The following PCCA variants were observed in gnomAD, a reference collection of about 807,000 sequenced individuals.
The protein encoded by PCCA is propionyl-CoA carboxylase alpha chain, mitochondrial.
A neutral mutation model predicts 101.3 loss-of-function variants in PCCA; 74 were observed. The observed-to-expected ratio is 0.73, with a 90% confidence interval of 0.61 to 0.89. The LOEUF is 0.89. Among genes scored for constraint, PCCA ranks in the 40% least tolerant of loss-of-function variants. The pLI is 0.00. For synonymous variants in PCCA, 294 were observed against 313.6 expected (o/e 0.94, Z 0.66); for missense variants, 891 against 907.0 (o/e 0.98, Z 0.23).
chr13:100,341,412 C>G (rs945412769), intron 18 of PCCA, among the ~76,000 whole-genome samples: 1 of 152,160 alleles, frequency 6.6e-6, no homozygotes, highest in Non-Finnish European at 1.5e-5. Context: ...TTGTTTCCCC[C>G]CCACATAGTT....
At chr13:100,136,695 A>C (rs1013400131) in intron 4 of PCCA, among the ~76,000 whole-genome samples, 5 of 152,152 alleles carry the variant, frequency 3.3e-5, no homozygotes, top group African/African-American at 1.2e-4. Flanking sequence ...TGCACATAGA[A>C]TTATTCTTAG....
At chr13:100,484,820 T>G (rs1267527464) in intron 21 of PCCA, among the ~76,000 whole-genome samples, 1 of 152,164 alleles carries the variant, frequency 6.6e-6, no homozygotes, top group East Asian at 1.9e-4. Context: ...CATTTTGAAT[T>G]AGCTGCCCAG....
rs139736356 is a variant in PCCA at position 100,230,240 on chromosome 13, A to G, written c.601-5602A>G. ...CTAGCCAGGTGTGGGAGGACTGGAA[A>G]GGCACTCTAAAGAAAGTGGCAGGCT... On this transcript the variant is annotated intron_variant, in intron 7 of 23. Coordinates refer to ENST00000376285, the MANE Select transcript of PCCA (RefSeq NM_000282.4). 1.7e-3 allele frequency among the ~76,000 whole-genome samples: 253 copies of G among 152,156 alleles called. 1 individual carries two copies. The highest frequency in any genetic ancestry group is 5.9e-3 in the African/African-American group (245 of 41,496).
At chr13:100,410,323 A>G (rs1465446006) in intron 19 of PCCA, among the ~76,000 whole-genome samples, 2 of 151,874 alleles carry the variant, frequency 1.3e-5, no homozygotes, top group Non-Finnish European at 2.9e-5. Context: ...GCTCACTGCA[A>G]CCTCCACCTC....
In PCCA at chr13:100,089,158, C is replaced by T; in HGVS notation, c.38C>T (p.Ala13Val). ...GFWVGTAPLV[A>V]AGRRGRWPPQ... ...TGGGTCGGGACAGCACCGCTGGTCG[C>T]TGCCGGACGGCGTGGGCGGTGGCCG... is the stretch of plus-strand genomic sequence containing the variant. The change falls in exon 1 of 24, where the codon GCT (alanine) becomes GTT (valine). Residue 13 changes from alanine to valine, a missense_variant. Ala to Val is a moderately conservative substitution (Grantham distance 64). Transcript: ENST00000376285. 1 of 1,527,366 alleles carries T rather than the reference C, an allele frequency of 6.5e-7. No individual in the cohort carries two copies. The highest frequency in any genetic ancestry group is 8.8e-7 in the Non-Finnish European group (1 of 1,138,852). 94.6% of individuals were successfully genotyped at this position (1,527,366 alleles called of 1,614,324 possible).
intron 1 of PCCA, among the ~76,000 whole-genome samples, chr13:100,097,053 A>G (rs1329725936): frequency 6.6e-6 from 1 of 152,212 alleles, no homozygotes; most frequent in Non-Finnish European, 1.5e-5. Context: ...AACTGTTTTG[A>G]ACAATAATTA....
At chr13:100,191,317 G>A (rs1037104545) in intron 6 of PCCA, among the ~76,000 whole-genome samples, 17 of 152,304 alleles carry the variant, frequency 1.1e-4, no homozygotes, top group African/African-American at 4.1e-4. Context: ...TCTCAGGAAT[G>A]AGGCCCATGG....
chr13:100,164,798 A>G (rs181562340), intron 6 of PCCA, among the ~76,000 whole-genome samples: 24 of 152,278 alleles, frequency 1.6e-4, no homozygotes, highest in Admixed American at 1.2e-3. Flanking sequence ...CCAGAACTTT[A>G]TAATCACCCC....
chr13:100,257,908 T>G (rs751150079), intron 9 of PCCA, among the ~76,000 whole-genome samples: 1 of 152,130 alleles, frequency 6.6e-6, no homozygotes, highest in Non-Finnish European at 1.5e-5. Flanking sequence ...TAACAAAGGA[T>G]TTTCTTTTTG....
At chr13:100,126,348 A>G (rs2049953942) in intron 4 of PCCA, among the ~76,000 whole-genome samples, 2 of 152,110 alleles carry the variant, frequency 1.3e-5, no homozygotes, top group South Asian at 2.1e-4. Flanking sequence ...ATTCGTGTAA[A>G]TATTCTCTGG....
chr13:100,217,569 T>G (rs189609516), intron 7 of PCCA, among the ~76,000 whole-genome samples: 9 of 150,106 alleles, frequency 6.0e-5, no homozygotes, highest in East Asian at 2.0e-4. Context: ...GTATCAGTTT[T>G]TGTGTGTGTG....
chr13:100,264,607 T>C (rs2062807910), intron 10 of PCCA, among the ~76,000 whole-genome samples: 2 of 152,202 alleles, frequency 1.3e-5, no homozygotes, highest in African/African-American at 4.8e-5. Context: ...ATTATTTGAC[T>C]CACCTGCAGT....
intron 18 of PCCA, among the ~76,000 whole-genome samples, chr13:100,366,620 C>T (rs1028187354): frequency 1.3e-5 from 2 of 152,038 alleles, no homozygotes; most frequent in Admixed American, 1.3e-4. Flanking sequence ...ACCTCCTTTT[C>T]TTTCCCTCTC....
chr13:100,352,017 A>C (rs2073325593), intron 18 of PCCA, among the ~76,000 whole-genome samples: 1 of 152,214 alleles, frequency 6.6e-6, no homozygotes, highest in African/African-American at 2.4e-5. Context: ...TTTAAAAAAT[A>C]GTATTAGTAA....
At chr13:100,355,794 A>G (rs2073897515) in intron 18 of PCCA, among the ~76,000 whole-genome samples, 1 of 152,162 alleles carries the variant, frequency 6.6e-6, no homozygotes, top group Non-Finnish European at 1.5e-5. Context: ...TCTGATTCCA[A>G]AATTCATATG....
At chr13:100,297,501 A>G (rs1231769806) in intron 12 of PCCA, among the ~76,000 whole-genome samples, 1 of 152,202 alleles carries the variant, frequency 6.6e-6, no homozygotes, top group East Asian at 1.9e-4. Flanking sequence ...ATGAAGCACA[A>G]CCTAATTTAC....
intron 4 of PCCA, among the ~76,000 whole-genome samples, chr13:100,121,153 GTTTTTTTTTTT>G (rs747251831): frequency 2.0e-5 from 2 of 99,478 alleles, no homozygotes; most frequent in Non-Finnish European, 3.9e-5. Flanking sequence ...GATTTCTTAG[GTTTTTTTTTTT>G]TTTTTTTTTT....
intron 7 of PCCA, among the ~76,000 whole-genome samples, chr13:100,216,206 C>G (rs2059503679): frequency 6.6e-6 from 1 of 151,636 alleles, no homozygotes; most frequent in South Asian, 2.1e-4. Flanking sequence ...AGTGGCAGGA[C>G]AAGTCATGTT....
chr13:100,184,832 C>T (rs902406975), intron 6 of PCCA, among the ~76,000 whole-genome samples: 3 of 152,216 alleles, frequency 2.0e-5, no homozygotes, highest in Non-Finnish European at 2.9e-5. Flanking sequence ...TCATAGACTA[C>T]AAACGTGGTG....
Sources: allele counts gnomAD v4.1 joint callset (sites outside exome capture counted in the v4.1 genomes callset), GRCh38; gene constraint gnomAD v4.1.1; transcripts MANE v1.5; gene names NCBI Gene and HGNC (gene_info 2026-07-23, HGNC 2026-07-21).